Variants in COL7A1 observed in about 807,000 individuals in gnomAD.
COL7A1 encodes the protein collagen alpha-1(VII) chain.
Under a neutral mutation model 456.2 loss-of-function variants are expected in COL7A1, and 296 were observed. The observed-to-expected ratio is 0.65, with a 90% CI of 0.59 to 0.71. The LOEUF (loss-of-function observed/expected upper bound fraction) is 0.71. Ranked by LOEUF, COL7A1 falls within the 30% of genes least tolerant of loss-of-function variation. The pLI is 0.00. For synonymous variants in COL7A1, 1,464 were observed against 1,525.9 expected (o/e 0.96, Z 0.95); for missense variants, 3,441 against 4,017.2 (o/e 0.86, Z 3.88).
At position 48,581,744 on chromosome 3, in the gene COL7A1, C is replaced by T. The variant is rs143352280; in HGVS notation, c.4684G>A (p.Ala1562Thr). 2.6e-4 allele frequency: 413 copies of T among 1,613,962 alleles called. No homozygotes were observed. Among genetic ancestry groups the T allele is most frequent in the Non-Finnish European group, 3.4e-4 (401 of 1,180,024 alleles). The stretch of plus-strand genomic sequence containing the variant: ...ACTCCGGTAGCTCCTCTGGGCCCAG[C>T]GGGCCCCACATCTCCCTGGAGGTGA... ...PKGEKGDVGP[A>T]GPRGATGVQG... Residue 1562 changes from alanine to threonine, a missense_variant, in exon 49 of 119, where the codon GCT becomes ACT. Physicochemically the swap from Ala to Thr is moderately conservative, Grantham distance 58. Coordinates refer to ENST00000681320, the MANE Select transcript of COL7A1 (RefSeq NM_000094.4). The surrounding 1 kb of genome is among the most constrained non-coding windows in gnomAD (Gnocchi z 5.8).
chr3:48,568,488 G>A lies in COL7A1; in HGVS notation c.7794+11C>T, dbSNP rs774931257. ...GGACAGGGGGCCCCTGTGGGAGCAG[G>A]GGCATCTTACCGGGTCACCAGGGAT... On this transcript the variant is annotated intron_variant, in intron 105 of 118. Transcript: ENST00000681320. This position sits in a 1 kb window ranked among gnomAD's most constrained non-coding sequence, Gnocchi z 5.2. 2.5e-6 allele frequency: 4 copies of A among 1,601,050 alleles called. No individual in the cohort carries two copies. In the African/African-American group the frequency reaches 4.0e-5, roughly 16 times the overall value.
Position 48,579,138 on chromosome 3 carries a change from G to C in COL7A1, c.5388+59C>G. 1 of 1,590,446 alleles carries C rather than the reference G, an allele frequency of 6.3e-7. No individual in the cohort carries two copies. The highest frequency in any genetic ancestry group is 1.1e-5 in the South Asian group (1 of 90,528). On this transcript the variant is annotated intron_variant, in intron 62 of 118. Transcript: ENST00000681320. The surrounding 1 kb of genome is among the most constrained non-coding windows in gnomAD (Gnocchi z 4.4). The stretch of plus-strand genomic sequence containing the variant: ...GACCAACCAATGAGGCTGGGGTCTA[G>C]GGTCCTCATGTGAAGGGGTAGGGGA...
In COL7A1 at chr3:48,588,243, C is replaced by T. The variant is rs1360957364; in HGVS notation, c.2710+39G>A. The T allele has an allele frequency of 6.2e-7, 1 of 1,612,778 alleles. No individual in the cohort carries two copies. The highest frequency in any genetic ancestry group is 1.3e-5 in the African/African-American group (1 of 75,010). On this transcript the variant is annotated intron_variant, in intron 21 of 118. Transcript: ENST00000681320. The surrounding 1 kb of genome is among the most constrained non-coding windows in gnomAD (Gnocchi z 4.6). ...TTGCGGAGTCTGCCACAGCCCTGCC[C>T]CCAATGGTCCCTAACTTCCTCCTGG...
Position 48,586,404 on chromosome 3 carries a change from C to A in COL7A1, c.3478G>T (p.Val1160Leu), listed in dbSNP as rs569933293. ...APGRRQHVPG[V>L]MVLLVDEPLR... is the part of the protein sequence containing the mutation. The stretch of plus-strand genomic sequence containing the variant: ...GGTTCATCCACTAGCAGAACCATCA[C>A]CCCTGGTACGTGCTGGCGGCGCCCA... The change falls in exon 27 of 119, where the codon GTG (valine) becomes TTG (leucine). Residue 1160 changes from valine (V) to leucine (L), a missense_variant. Physicochemically the swap from Val to Leu is conservative, Grantham distance 32. Transcript: ENST00000681320. The surrounding 1 kb of genome is among the most constrained non-coding windows in gnomAD (Gnocchi z 5.1). 1.9e-6 allele frequency: 3 copies of A among 1,613,900 alleles called. No individual in the cohort carries two copies. The highest frequency in any genetic ancestry group is 1.7e-5 in the Admixed American group (1 of 60,026).
rs1345143046 is a variant in COL7A1, at chr3:48,587,241, G to A, written c.3088C>T (p.Pro1030Ser). Residue 1030 changes from proline to serine, a missense_variant, in exon 24 of 119, where the codon CCT (proline) becomes TCT (serine). Around this residue, in one of 3 missense-constraint regions of COL7A1, gnomAD observed 444 missense variants for 427.6 expected, o/e 1.04. Coordinates refer to ENST00000681320, the MANE Select transcript of COL7A1 (RefSeq NM_000094.4). The surrounding 1 kb of genome is among the most constrained non-coding windows in gnomAD (Gnocchi z 6.1). ...GGACCCCGCACACCATCCAGGACAG[G>A]CGTCAGGGAGAAGATGTAAGAGACG... is the stretch of plus-strand genomic sequence containing the variant. ...PGVSYIFSLT[P>S]VLDGVRGPEA... 1 of 1,613,296 alleles carries A rather than the reference G, an allele frequency of 6.2e-7. No homozygotes were observed. Among genetic ancestry groups the A allele is most frequent in the Non-Finnish European group, 8.5e-7 (1 of 1,179,804 alleles).
chr3:48,584,423 TCG>T, intron 36 of COL7A1, 48 bp from the exon 37 acceptor site: 1 of 1,613,388 alleles, frequency 6.2e-7, no homozygotes, highest in Middle Eastern at 1.7e-4. Flanking sequence ...GACCTCACTC[TCG>T]CCCCCCTCGT....
Position 48,591,930 on chromosome 3 carries a change from C to G in COL7A1, c.1325G>C (p.Arg442Pro). ...LLSWNLVPEA[R>P]GYRLEWRRET... ...ACGCCGCCATTCCAACCGGTAGCCA[C>G]GGGCCTCAGGCACCAAGTTCCAGGA... is the stretch of plus-strand genomic sequence containing the variant. Residue 442 changes from arginine to proline, a missense_variant, in exon 11 of 119, where the codon CGT becomes CCT. This residue lies in a region of COL7A1 where 913 missense variants were observed against 1,088.2 expected (regional missense o/e 0.84). Transcript: ENST00000681320. This position sits in a 1 kb window ranked among gnomAD's most constrained non-coding sequence, Gnocchi z 7.0. 6.2e-7 allele frequency: 1 copy of G among 1,614,210 alleles called. No individual in the cohort carries two copies. Among genetic ancestry groups the G allele is most frequent in the Non-Finnish European group, 8.5e-7 (1 of 1,180,038 alleles).
rs1181990003 is a variant in COL7A1, at chr3:48,570,164, G to A, written c.7455C>T (p.Arg2485=). ...GTCCTCGGGGTCCCTCCTGGCCGGG[G>A]CGGCCATCTTCACCCTGGATGGTGA... is the stretch of plus-strand genomic sequence containing the variant. ...GEPGIRGEDG[R]PGQEGPRGLT... is the part of the protein sequence containing the mutation. The change falls in exon 99 of 119, where the codon CGC becomes CGT. Residue 2485 remains arginine (R), a synonymous_variant. Coordinates refer to ENST00000681320, the MANE Select transcript of COL7A1 (RefSeq NM_000094.4). The surrounding 1 kb of genome is among the most constrained non-coding windows in gnomAD (Gnocchi z 5.5). The A allele has an allele frequency of 1.4e-5, 22 of 1,614,070 alleles. No individual in the cohort carries two copies. The highest frequency in any genetic ancestry group is 1.7e-5 in the Non-Finnish European group (20 of 1,180,034).
At position 48,567,579 on chromosome 3, in the gene COL7A1, G is replaced by A. The variant is rs139416346; in HGVS notation, c.8041C>T (p.Pro2681Ser). 11 of 1,614,122 alleles carry A rather than the reference G, an allele frequency of 6.8e-6. No homozygotes were observed. In the East Asian group the frequency reaches 2.0e-4, roughly 29 times the overall value. ...GAPGKEGLIG[P>S]KGDRGFDGQP... ...ACTGTCCACAGACCCTGTACCTTGG[G>A]ACCGATCAGGCCCTCCTTGCCAGGG... The change falls in exon 109 of 119, where the codon CCC (proline) becomes TCC (serine). Residue 2681 changes from proline (P) to serine (S), a missense_variant. This residue lies in a region of COL7A1 where 2,084 missense variants were observed against 2,501.3 expected (regional missense o/e 0.83). Transcript: ENST00000681320. This position sits in a 1 kb window ranked among gnomAD's most constrained non-coding sequence, Gnocchi z 4.3.
Position 48,576,666 on chromosome 3 carries a change from G to A in COL7A1, c.5700+10C>T, listed in dbSNP as rs2107682017. 2.5e-6 allele frequency: 4 copies of A among 1,601,968 alleles called. No homozygotes were observed. Among genetic ancestry groups the A allele is most frequent in the South Asian group, 1.1e-5 (1 of 89,502 alleles). ...TGCTCTGAAGTCCCAGAATGACCCA[G>A]GACACTCACCTGGCCAGGAGGGCCC... On this transcript the variant is annotated intron_variant, in intron 68 of 118. Coordinates refer to ENST00000681320, the MANE Select transcript of COL7A1 (RefSeq NM_000094.4).
chr3:48,574,841 C>T lies in COL7A1; in HGVS notation c.6304G>A (p.Gly2102Arg), dbSNP rs769727653. ...GGGGGTCCCTGTTCTCCAGAGAGTC[C>T]AGGACCTGGCTCATCCACAGACACC... is the stretch of plus-strand genomic sequence containing the variant. Reference protein sequence around the residue: ...PKVSVDEPGPGLSGEQGPPGL... With the variant: ...PKVSVDEPGPRLSGEQGPPGL... The change falls in exon 77 of 119, where the codon GGA (glycine) becomes AGA (arginine). Residue 2102 changes from glycine (G) to arginine (R), a missense_variant. Physicochemically the swap from Gly to Arg is moderately radical, Grantham distance 125. Coordinates refer to ENST00000681320, the MANE Select transcript of COL7A1 (RefSeq NM_000094.4). This position sits in a 1 kb window ranked among gnomAD's most constrained non-coding sequence, Gnocchi z 5.0. The T allele has an allele frequency of 4.3e-6, 7 of 1,613,830 alleles. No homozygotes were observed. Among genetic ancestry groups the T allele is most frequent in the Non-Finnish European group, 5.1e-6 (6 of 1,180,020 alleles).
Position 48,583,150 on chromosome 3 carries a change from G to A in COL7A1, c.4459C>T (p.Pro1487Ser). The part of the protein sequence containing the change: ...GPKGDRGFPG[P>S]LGEAGEKGER... ...ACCTTCTCTCCAGCCTCACCCAGGG[G>A]CCCTGGAAAGCCCCGGTCACCCTGA... is the stretch of plus-strand genomic sequence containing the variant. The change falls in exon 43 of 119, where the codon CCC becomes TCC. Residue 1487 changes from proline (P) to serine (S), a missense_variant. Physicochemically the swap from Pro to Ser is moderately conservative, Grantham distance 74. This residue lies in a region of COL7A1 where 2,084 missense variants were observed against 2,501.3 expected (regional missense o/e 0.83). Coordinates refer to ENST00000681320, the MANE Select transcript of COL7A1 (RefSeq NM_000094.4). The surrounding 1 kb of genome is among the most constrained non-coding windows in gnomAD (Gnocchi z 5.1). 6.2e-7 allele frequency: 1 copy of A among 1,613,908 alleles called. No individual in the cohort carries two copies.
In COL7A1 at chr3:48,591,982, T is replaced by A; in HGVS notation, c.1273A>T (p.Ile425Phe). Residue 425 changes from isoleucine to phenylalanine, a missense_variant, in exon 11 of 119, where the codon ATC becomes TTC. Around this residue, in one of 3 missense-constraint regions of COL7A1, gnomAD observed 913 missense variants for 1,088.2 expected, o/e 0.84. Transcript: ENST00000681320. The surrounding 1 kb of genome is among the most constrained non-coding windows in gnomAD (Gnocchi z 7.0). ...AGGAGGATGGATGTGGGGCCCAGGATGACCGGGCGCAGGGTCTGCTCAACA... is the reference window on the plus strand; with the variant it reads ...AGGAGGATGGATGTGGGGCCCAGGAAGACCGGGCGCAGGGTCTGCTCAACA... ...ASVEQTLRPV[I>F]LGPTSILLSW... 1 of 1,614,206 alleles carries A rather than the reference T, an allele frequency of 6.2e-7. No homozygotes were observed. The highest frequency in any genetic ancestry group is 1.3e-5 in the African/African-American group (1 of 75,052).
chr3:48,586,456 G>A lies in COL7A1; in HGVS notation c.3426C>T (p.His1142=), dbSNP rs1283853316. 6.2e-7 allele frequency: 1 copy of A among 1,613,810 alleles called. No individual in the cohort carries two copies. The highest frequency in any genetic ancestry group is 8.5e-7 in the Non-Finnish European group (1 of 1,180,034). ...GAGCATCTGGTGCCAACATGTATCT[G>A]TGAGCTGTGACCACGGCTGTGCCTG... ...NNLGTAVVTA[H]RYMLAPDAPG... is the part of the protein sequence containing the mutation. The change falls in exon 27 of 119, where the codon CAC becomes CAT. Residue 1142 remains histidine (H), a synonymous_variant. Coordinates refer to ENST00000681320, the MANE Select transcript of COL7A1 (RefSeq NM_000094.4). The surrounding 1 kb of genome is among the most constrained non-coding windows in gnomAD (Gnocchi z 5.1).
At position 48,580,398 on chromosome 3, in the gene COL7A1, C is replaced by A. The variant is rs542233389; in HGVS notation, c.5053-54G>T. On this transcript the variant is annotated intron_variant, in intron 55 of 118. Coordinates refer to ENST00000681320, the MANE Select transcript of COL7A1 (RefSeq NM_000094.4). This position sits in a 1 kb window ranked among gnomAD's most constrained non-coding sequence, Gnocchi z 4.5. ...CAAGGTAGGCAGCAGTTTGGGAGAG[C>A]TTTGGAAGCACCATGAGGACTCATG... 1,423 of 1,587,336 alleles carry A rather than the reference C, an allele frequency of 9.0e-4. 22 individuals carry two copies. The South Asian group carries it at 0.015, about 17-fold the overall frequency.
rs780780341 is a variant in COL7A1, at chr3:48,581,668, C to T, written c.4723-36G>A. The stretch of plus-strand genomic sequence containing the variant: ...AAGGATAAGAAGTCAGGAAGACAAC[C>T]TTCACCAACTGCCCCCTAAACACTT... On this transcript the variant is annotated intron_variant, in intron 49 of 118. Transcript: ENST00000681320. The surrounding 1 kb of genome is among the most constrained non-coding windows in gnomAD (Gnocchi z 5.8). The T allele has an allele frequency of 6.2e-7, 1 of 1,614,136 alleles. No homozygotes were observed. The highest frequency in any genetic ancestry group is 1.7e-5 in the Admixed American group (1 of 60,028).
Position 48,585,800 on chromosome 3 carries a change from T to C in COL7A1, c.3786+30A>G. On this transcript the variant is annotated intron_variant, in intron 30 of 118. Coordinates refer to ENST00000681320, the MANE Select transcript of COL7A1 (RefSeq NM_000094.4). The surrounding 1 kb of genome is among the most constrained non-coding windows in gnomAD (Gnocchi z 4.5). Reference sequence around the variant, plus strand: ...CCTGCCCCACTGACACTCAACCCATTCTCTATTCCCCGCCCGCAGGGGCAC... The same window carrying C: ...CCTGCCCCACTGACACTCAACCCATCCTCTATTCCCCGCCCGCAGGGGCAC... 6.2e-7 allele frequency: 1 copy of C among 1,614,020 alleles called. No homozygotes were observed. The highest frequency in any genetic ancestry group is 1.7e-5 in the Admixed American group (1 of 60,026).
rs758900783 is a variant in COL7A1, at chr3:48,575,789, C to T, written c.5857-41G>A. ...AGGTCAGAGGAGCGGGGTGCGTCGCCGCAGCCCCTATGCCTGTGGGCACCA... is the reference window on the plus strand; with the variant it reads ...AGGTCAGAGGAGCGGGGTGCGTCGCTGCAGCCCCTATGCCTGTGGGCACCA... On this transcript the variant is annotated intron_variant, in intron 72 of 118. Transcript: ENST00000681320. This position sits in a 1 kb window ranked among gnomAD's most constrained non-coding sequence, Gnocchi z 6.3. 12 of 1,614,052 alleles carry T rather than the reference C, an allele frequency of 7.4e-6. No homozygotes were observed. The highest frequency in any genetic ancestry group is 6.7e-5 in the East Asian group (3 of 44,860).
Position 48,573,717 on chromosome 3 carries a change from A to C in COL7A1, c.6546T>G (p.His2182Gln), listed in dbSNP as rs1459217638. 2.5e-6 allele frequency: 4 copies of C among 1,613,468 alleles called. No individual in the cohort carries two copies. The highest frequency in any genetic ancestry group is 3.3e-5 in the Admixed American group (2 of 59,910). Residue 2182 changes from histidine to glutamine, a missense_variant, in exon 82 of 119, where the codon CAT becomes CAG. Around this residue, in one of 3 missense-constraint regions of COL7A1, gnomAD observed 2,084 missense variants for 2,501.3 expected, o/e 0.83. Transcript: ENST00000681320. The surrounding 1 kb of genome is among the most constrained non-coding windows in gnomAD (Gnocchi z 5.5). Reference protein sequence around the residue: ...PRGPPGPVGGHGDPGPPGAPG... With the variant: ...PRGPPGPVGGQGDPGPPGAPG... ...GGGCACCAGGTGGTCCAGGGTCTCCATGACCACCCTGTTGTGGCGAAAAAG... is the reference window on the plus strand; with the variant it reads ...GGGCACCAGGTGGTCCAGGGTCTCCCTGACCACCCTGTTGTGGCGAAAAAG...
Sources: allele counts gnomAD v4.1 joint callset, GRCh38; gene constraint gnomAD v4.1.1; regional missense constraint gnomAD v4.1.1; non-coding constraint Gnocchi (gnomAD v3.1); transcripts MANE v1.5; gene names NCBI Gene and HGNC (gene_info 2026-07-23, HGNC 2026-07-21).